The following PLCG2 variants were observed in gnomAD, a reference collection of about 807,000 sequenced individuals.
PLCG2 encodes 1-phosphatidylinositol 4,5-bisphosphate phosphodiesterase gamma-2.
In PLCG2, 69 loss-of-function variants were observed where a neutral mutation model predicts 175.6. The ratio of observed to expected loss-of-function variants is 0.39; its 90% CI spans 0.32 to 0.48. PLCG2 has a LOEUF of 0.48. Among genes scored for constraint, PLCG2 ranks in the 20% least tolerant of loss-of-function variants. The pLI, the probability that PLCG2 is intolerant of heterozygous loss-of-function variation, is 0.91. For missense variants in PLCG2, 1,798 were observed against 1,650.9 expected, an observed-to-expected ratio of 1.09 and a Z score of -1.54; for synonymous variants, 827 against 624.0, an observed-to-expected ratio of 1.33 and a Z score of -4.85.
chr16:81,943,884 T>TTATACCCCCTCAAACTGTCACTCAA, intron 30 of PLCG2, among the ~76,000 whole-genome samples: 1 of 152,154 alleles, frequency 6.6e-6, no homozygotes, highest in African/African-American at 2.4e-5. Flanking sequence ...CATTCAGGTT[T>TTATACCCCCTCAAACTGTCACTCAA]TATACCCCCT....
At chr16:81,860,843 C>G (rs1419111357) in intron 5 of PLCG2, among the ~76,000 whole-genome samples, 2 of 152,018 alleles carry the variant, frequency 1.3e-5, no homozygotes, top group East Asian at 3.9e-4. Flanking sequence ...TGGTAGCACG[C>G]TCCTGTAGTC....
At chr16:81,844,719 T>A (rs78477851) in intron 2 of PLCG2, among the ~76,000 whole-genome samples, 8,574 of 152,310 alleles carry the variant, frequency 0.056, 313 homozygotes, top group Non-Finnish European at 0.084. Context: ...AAAGAGTTAA[T>A]AAGTTATAGT....
chr16:81,883,487 G>C lies in PLCG2; in HGVS notation c.765+146G>C, dbSNP rs975378464. 1.1e-5 allele frequency: 7 copies of C among 644,462 alleles called. 1 individual carries two copies. The South Asian group carries it at 1.2e-4, about 11-fold the overall frequency. 39.9% of individuals were successfully genotyped at this position (644,462 alleles called of 1,614,324 possible). ...ACCTGGCCACCTGTCTTCATGGAACGATTGCAGTCTGCCAGATGCCAGAGA... is the reference window on the plus strand; with the variant it reads ...ACCTGGCCACCTGTCTTCATGGAACCATTGCAGTCTGCCAGATGCCAGAGA... On this transcript the variant is annotated intron_variant, in intron 9 of 32. Transcript: ENST00000564138.
At chr16:81,943,794 T>A (rs963624559) in intron 30 of PLCG2, among the ~76,000 whole-genome samples, 3 of 152,154 alleles carry the variant, frequency 2.0e-5, no homozygotes, top group Non-Finnish European at 4.4e-5. Flanking sequence ...GAAAAATAGG[T>A]CAGAAAACTT....
At chr16:81,743,072 G>T (rs1033257857) in intron 1 of PLCG2, among the ~76,000 whole-genome samples, 1 of 152,184 alleles carries the variant, frequency 6.6e-6, no homozygotes, top group African/African-American at 2.4e-5. Flanking sequence ...ATGCTGAAGT[G>T]GGGGGATCAC....
rs1052783057 is a variant in PLCG2, at chr16:81,938,821, C to G, written c.3219C>G (p.Leu1073=). 4 of 1,611,060 alleles carry G rather than the reference C, an allele frequency of 2.5e-6. No individual in the cohort carries two copies. The highest frequency in any genetic ancestry group is 1.1e-5 in the South Asian group (1 of 90,786). Residue 1073 remains leucine, a synonymous_variant, in exon 29 of 33, where the codon CTC becomes CTG. Transcript: ENST00000564138. ...CCCAGGTTCTCGGTGCTCGCCATCT[C>G]CCCAAACTTGGACGAAGTATTGCCT... ...LTVKVLGARH[L]PKLGRSIACP...
At chr16:81,825,955 A>G (rs1040318153) in intron 2 of PLCG2, among the ~76,000 whole-genome samples, 1 of 152,180 alleles carries the variant, frequency 6.6e-6, no homozygotes, top group Non-Finnish European at 1.5e-5. Context: ...GGACCAGAGA[A>G]ATTTTCTCAG....
At chr16:81,811,831 T>G (rs1448035467) in intron 2 of PLCG2, among the ~76,000 whole-genome samples, 2 of 152,166 alleles carry the variant, frequency 1.3e-5, no homozygotes, top group Admixed American at 6.5e-5. Context: ...AATAAACATA[T>G]GTGTGCATGT....
chr16:81,787,057 G>T (rs981171805), intron 2 of PLCG2, among the ~76,000 whole-genome samples: 1 of 152,156 alleles, frequency 6.6e-6, no homozygotes, highest in Non-Finnish European at 1.5e-5. Context: ...GATGTTGGCG[G>T]TGGTTTCTTA....
intron 2 of PLCG2, among the ~76,000 whole-genome samples, chr16:81,813,514 A>G (rs1374854990): frequency 6.6e-6 from 1 of 152,120 alleles, no homozygotes; most frequent in Admixed American, 6.6e-5. Context: ...TTGCACATTG[A>G]TTTTGTATCC....
rs138679084 is a variant in PLCG2, at chr16:81,902,289, T to A, written c.1362+1509T>A. On this transcript the variant is annotated intron_variant, in intron 14 of 32. Transcript: ENST00000564138. ...TTTCCTAGGTATTTCAGTCTGTTCC[T>A]GCAGCTATCACAAAATACCCTAAGC... 2.8e-3 allele frequency among the ~76,000 whole-genome samples: 421 copies of A among 152,292 alleles called. 1 individual carries two copies. The highest frequency in any genetic ancestry group is 9.4e-3 in the African/African-American group (389 of 41,558).
At chr16:81,756,209 G>C (rs1298264596) in intron 2 of PLCG2, among the ~76,000 whole-genome samples, 1 of 152,222 alleles carries the variant, frequency 6.6e-6, no homozygotes, top group Non-Finnish European at 1.5e-5. Context: ...CCAATGGATG[G>C]GCCACATTTC....
chr16:81,898,020 C>G, intron 13 of PLCG2: 1 of 356,840 alleles, frequency 2.8e-6, no homozygotes, highest in Non-Finnish European at 5.6e-6. Flanking sequence ...CTTCTAAGTG[C>G]CAACCTCCAT....
chr16:81,870,077 A>G (rs1907441026), intron 6 of PLCG2, among the ~76,000 whole-genome samples: 1 of 152,200 alleles, frequency 6.6e-6, no homozygotes, highest in Non-Finnish European at 1.5e-5. Flanking sequence ...ATTGCTTATC[A>G]AGCATCCTTT....
In PLCG2 at chr16:81,920,037, G is replaced by A. The variant is rs137952624; in HGVS notation, c.2235+373G>A. 3.0e-3 allele frequency among the ~76,000 whole-genome samples: 450 copies of A among 152,304 alleles called. 3 individuals carry two copies. The highest frequency in any genetic ancestry group is 0.01 in the African/African-American group (422 of 41,564). On this transcript the variant is annotated intron_variant, in intron 20 of 32. Transcript: ENST00000564138. ...CATGTGGGTATGTTCTGGAGGAAGAGAGGATAGCATGCGCAAAGGTCCTGA... is the reference window on the plus strand; with the variant it reads ...CATGTGGGTATGTTCTGGAGGAAGAAAGGATAGCATGCGCAAAGGTCCTGA...
intron 2 of PLCG2, among the ~76,000 whole-genome samples, chr16:81,832,312 T>C (rs888466981): frequency 4.6e-5 from 7 of 152,208 alleles, no homozygotes; most frequent in African/African-American, 1.7e-4. Flanking sequence ...TTAGGAATAA[T>C]CCTCAGATTA....
At chr16:81,920,709 T>C (rs1163412113) in intron 20 of PLCG2, among the ~76,000 whole-genome samples, 4 of 152,074 alleles carry the variant, frequency 2.6e-5, no homozygotes, top group Admixed American at 2.0e-4. Flanking sequence ...GGGTGGATCT[T>C]GTCAGTGGTG....
At chr16:81,935,064 C>G (rs773991919) in intron 26 of PLCG2, among the ~76,000 whole-genome samples, 3 of 152,136 alleles carry the variant, frequency 2.0e-5, no homozygotes, top group African/African-American at 4.8e-5. Flanking sequence ...GGATTTAGTT[C>G]TTACTGCCAT....
chr16:81,752,108 G>T (rs1350296544), intron 1 of PLCG2, among the ~76,000 whole-genome samples: 2 of 152,124 alleles, frequency 1.3e-5, no homozygotes, highest in African/African-American at 4.8e-5. Context: ...TCACTGTGAT[G>T]TAGGCCCCGT....
Sources: gnomAD v4.1 joint callset for allele counts (sites outside exome capture counted in the v4.1 genomes callset) on GRCh38, gnomAD v4.1.1 for gene constraint, MANE v1.5 for transcripts, NCBI Gene and HGNC (gene_info 2026-07-23, HGNC 2026-07-21) for gene names.